Variants in EHHADH observed in about 807,000 individuals in gnomAD.
EHHADH encodes enoyl-CoA hydratase and 3-hydroxyacyl CoA dehydrogenase.
In EHHADH, 48 loss-of-function variants were observed where a neutral mutation model predicts 64.4. The ratio of observed to expected loss-of-function variants is 0.75; its 90% CI spans 0.59 to 0.95. The LOEUF (loss-of-function observed/expected upper bound fraction) is 0.95, where lower values mean the gene tolerates loss of function less well. Among genes scored for constraint, EHHADH ranks in the 40% least tolerant of loss-of-function variants. The pLI is 0.00. For missense variants in EHHADH, 854 were observed against 876.6 expected, an observed-to-expected ratio of 0.97 and a Z score of 0.33; for synonymous variants, 308 against 326.7, an observed-to-expected ratio of 0.94 and a Z score of 0.62.
intron 6 of EHHADH, among the ~76,000 whole-genome samples, 175 bp downstream of exon 6, chr3:185,204,241 G>A (rs1315199865): frequency 2.0e-5 from 3 of 151,958 alleles, no homozygotes; most frequent in African/African-American, 7.2e-5. Flanking sequence ...GAGAAGGCTG[G>A]CGTCTCTAGG....
intron 5 of EHHADH, among the ~76,000 whole-genome samples, chr3:185,217,717 G>T (rs1162272188): frequency 2.0e-5 from 3 of 151,500 alleles, no homozygotes; most frequent in African/African-American, 7.3e-5. Context: ...GGAACTGTAA[G>T]CCAATTAAAT....
chr3:185,221,458 A>C (rs1023096184), intron 4 of EHHADH, among the ~76,000 whole-genome samples: 16 of 152,196 alleles, frequency 1.1e-4, no homozygotes, highest in Admixed American at 1.3e-4. Flanking sequence ...TATTGAAGGA[A>C]ATAAATGTCA....
chr3:185,210,508 G>T (rs1395508741), intron 5 of EHHADH, among the ~76,000 whole-genome samples: 1 of 151,848 alleles, frequency 6.6e-6, no homozygotes, highest in East Asian at 1.9e-4. Flanking sequence ...GTGGGTGCCT[G>T]TAGTCTCAGC....
At chr3:185,198,435 G>T (rs911857659) in intron 6 of EHHADH, among the ~76,000 whole-genome samples, 3 of 151,562 alleles carry the variant, frequency 2.0e-5, no homozygotes, top group Non-Finnish European at 4.4e-5. Context: ...TGGCCAGGCT[G>T]GTCTCGAACT....
intron 4 of EHHADH, chr3:185,226,707 C>T (rs1041192622): frequency 6.6e-6 from 1 of 151,656 alleles, no homozygotes; most frequent in African/African-American, 2.4e-5. Context: ...ATGACTACAG[C>T]CCTAGTCACA....
rs2108622805 is a variant in EHHADH at position 185,193,288 on chromosome 3, C to G, written c.1110G>C (p.Lys370Asn). The change falls in exon 7 of 7, where the codon AAG becomes AAC. Residue 370 changes from lysine to asparagine, a missense_variant. Lys to Asn is a moderately conservative substitution (Grantham distance 94). Coordinates refer to ENST00000231887, the MANE Select transcript of EHHADH (RefSeq NM_001966.4). ...GPKPRLTSSV[K>N]ELGGVDLVIE... ...TGACTAAATCTACACCACCAAGCTCCTTCACAGATGAAGTTAACCTGGGTT... is the reference window on the plus strand; with the variant it reads ...TGACTAAATCTACACCACCAAGCTCGTTCACAGATGAAGTTAACCTGGGTT... 1 of 1,607,302 alleles carries G rather than the reference C, an allele frequency of 6.2e-7. No homozygotes were observed. Among genetic ancestry groups the G allele is most frequent in the East Asian group, 2.2e-5 (1 of 44,848 alleles).
chr3:185,238,168 C>G (rs1034042691), intron 2 of EHHADH, among the ~76,000 whole-genome samples: 4 of 151,832 alleles, frequency 2.6e-5, no homozygotes, highest in African/African-American at 9.7e-5. Flanking sequence ...ATTGATAGAC[C>G]CTTAGGTTGA....
chr3:185,215,582 T>C (rs1343862400), intron 5 of EHHADH, among the ~76,000 whole-genome samples: 1 of 152,144 alleles, frequency 6.6e-6, no homozygotes, highest in Non-Finnish European at 1.5e-5. Context: ...TGGCCATGGT[T>C]ATACAACTGT....
At chr3:185,204,332 C>T (rs1368695993) in intron 6 of EHHADH, 84 bp downstream of exon 6, 1 of 1,263,826 alleles carries the variant, frequency 7.9e-7, no homozygotes, top group East Asian at 2.4e-5. Context: ...TTACGTGAAA[C>T]CTAGCATCCG....
At chr3:185,249,785 ATGG>A (rs1176435008) in intron 1 of EHHADH, among the ~76,000 whole-genome samples, 2 of 152,236 alleles carry the variant, frequency 1.3e-5, no homozygotes, top group African/African-American at 4.8e-5. Flanking sequence ...ACACAAAAAT[ATGG>A]TTGCCCAAAA....
At chr3:185,228,283 G>T (rs1412418529) in intron 4 of EHHADH, among the ~76,000 whole-genome samples, 4 of 109,310 alleles carry the variant, frequency 3.7e-5, no homozygotes, top group Admixed American at 1.1e-4. Context: ...TATATATGGA[G>T]AGAGAGAGAG....
At chr3:185,233,323 C>T (rs568842948) in intron 3 of EHHADH, among the ~76,000 whole-genome samples, 35 of 152,076 alleles carry the variant, frequency 2.3e-4, no homozygotes, top group African/African-American at 7.7e-4. Context: ...ATTGTAATCA[C>T]CAAGTTAACC....
chr3:185,230,152 A>G (rs1719113971), intron 3 of EHHADH, among the ~76,000 whole-genome samples: 1 of 152,204 alleles, frequency 6.6e-6, no homozygotes, highest in Non-Finnish European at 1.5e-5. Flanking sequence ...TGGCTATTTA[A>G]AAAACGACAG....
chr3:185,235,161 CAG>C, intron 3 of EHHADH, 127 bp downstream of exon 3: 1 of 874,386 alleles, frequency 1.1e-6, no homozygotes, highest in East Asian at 3.0e-5. Context: ...GCCTGGAAGA[CAG>C]AGTGAGACTC....
In EHHADH at chr3:185,254,013, A is replaced by C; in HGVS notation, c.10T>G (p.Tyr4Asp). 2 of 1,613,542 alleles carry C rather than the reference A, an allele frequency of 1.2e-6. No homozygotes were observed. The highest frequency in any genetic ancestry group is 1.7e-6 in the Non-Finnish European group (2 of 1,179,774). MAE[Y>D]TRLHNALALI... ...GCCAAGGCGTTGTGCAGCCGCGTATACTCGGCCATGTTTCCTCTATCACCG... is the reference window on the plus strand; with the variant it reads ...GCCAAGGCGTTGTGCAGCCGCGTATCCTCGGCCATGTTTCCTCTATCACCG... Residue 4 changes from tyrosine (Y) to aspartate (D), a missense_variant, in exon 1 of 7, where the codon TAT becomes GAT. Coordinates refer to ENST00000231887, the MANE Select transcript of EHHADH (RefSeq NM_001966.4).
intron 3 of EHHADH, among the ~76,000 whole-genome samples, chr3:185,230,327 C>G (rs908343535): frequency 5.0e-4 from 76 of 152,192 alleles, no homozygotes; most frequent in African/African-American, 1.8e-3. Context: ...GGTATATACC[C>G]AAGAGAAATG....
intron 4 of EHHADH, 110 bp downstream of exon 4, chr3:185,229,322 G>T (rs1719090505): frequency 7.8e-6 from 4 of 515,850 alleles, no homozygotes; most frequent in Non-Finnish European, 1.2e-5. Flanking sequence ...AGAAGTTCAA[G>T]AATCCTTTTA....
In EHHADH at chr3:185,235,448, C is replaced by T; in HGVS notation, c.193G>A (p.Gly65Ser). The change falls in exon 3 of 7, where the codon GGC (glycine) becomes AGC (serine). Residue 65 changes from glycine (G) to serine (S), a missense_variant. Transcript: ENST00000231887. ...CCAAATGTCCTAGGAGCACTGAAGC[C>T]ACGAATATCAGCACCTAAGGGCACA... ...GKFSAGADIR[G>S]FSAPRTFGLT... The T allele has an allele frequency of 6.2e-7, 1 of 1,609,172 alleles. No individual in the cohort carries two copies. Among genetic ancestry groups the T allele is most frequent in the Non-Finnish European group, 8.5e-7 (1 of 1,177,590 alleles).
chr3:185,251,006 A>C (rs1017002502), intron 1 of EHHADH, among the ~76,000 whole-genome samples: 1 of 152,204 alleles, frequency 6.6e-6, no homozygotes, highest in African/African-American at 2.4e-5. Flanking sequence ...ACAGGAAAAA[A>C]ATGAAAATAG....
Sources: allele counts gnomAD v4.1 joint callset (sites outside exome capture counted in the v4.1 genomes callset), GRCh38; gene constraint gnomAD v4.1.1; transcripts MANE v1.5; gene names NCBI Gene and HGNC (gene_info 2026-07-23, HGNC 2026-07-21).